GBE1: variants seen among roughly 807,000 people sequenced by gnomAD.
GBE1 encodes the protein 1,4-alpha-glucan branching enzyme 1, also known as 1,4-alpha-glucan-branching enzyme.
GBE1 carries 70 observed loss-of-function variants against 88.8 expected under a neutral mutation model. The ratio of observed to expected loss-of-function variants is 0.79; its 90% CI spans 0.65 to 0.96. GBE1 has a LOEUF of 0.96. GBE1 is among the 40% of genes least tolerant of loss of function. GBE1 has a pLI of 0.00. For missense variants in GBE1, 872 were observed against 871.0 expected, an observed-to-expected ratio of 1.00 and a Z score of -0.01; for synonymous variants, 284 against 300.1, an observed-to-expected ratio of 0.95 and a Z score of 0.56.
At chr3:81,604,789 T>C (rs1481220148) in intron 7 of GBE1, among the ~76,000 whole-genome samples, 1 of 152,118 alleles carries the variant, frequency 6.6e-6, no homozygotes, top group Non-Finnish European at 1.5e-5. Context: ...AGTAAGAAAT[T>C]ATTTAACTGA....
At chr3:81,674,685 TTAATAA>T (rs1301733585) in intron 2 of GBE1, among the ~76,000 whole-genome samples, 1 of 151,690 alleles carries the variant, frequency 6.6e-6, no homozygotes, top group Non-Finnish European at 1.5e-5. Flanking sequence ...AGTAATAATA[TTAATAA>T]TAATAAATAG....
chr3:81,666,971 T>G (rs533313904), intron 3 of GBE1, among the ~76,000 whole-genome samples: 1 of 152,336 alleles, frequency 6.6e-6, no homozygotes, highest in African/African-American at 2.4e-5. Flanking sequence ...TATTTAGATT[T>G]TGAAAAATAG....
intron 2 of GBE1, among the ~76,000 whole-genome samples, chr3:81,685,403 C>CTGTT (rs771296277): frequency 1.3e-5 from 2 of 151,780 alleles, no homozygotes; most frequent in Non-Finnish European, 2.9e-5. Context: ...TTGTTGTCTT[C>CTGTT]TGTTTGTTTG....
rs779675484 is a variant in GBE1 at position 81,761,466 on chromosome 3, G to A, written c.52C>T (p.Leu18Phe). 6.2e-7 allele frequency: 1 copy of A among 1,613,398 alleles called. No individual in the cohort carries two copies. The stretch of plus-strand genomic sequence containing the variant: ...GGCACGTCAGCCAGGGCGGCATTGA[G>A]CGCCGCCTCGTAGTCCTCGGGCCGA... ...AARPEDYEAA[L>F]NAALADVPEL... is the part of the protein sequence containing the mutation. The change falls in exon 1 of 16, where the codon CTC becomes TTC. Residue 18 changes from leucine (L) to phenylalanine (F), a missense_variant. By Grantham distance (22) the Leu-to-Phe change is conservative. Transcript: ENST00000429644.
At chr3:81,545,194 A>G (rs1703190707) in intron 12 of GBE1, among the ~76,000 whole-genome samples, 1 of 151,792 alleles carries the variant, frequency 6.6e-6, no homozygotes, top group African/African-American at 2.4e-5. Context: ...AGCACAAAGC[A>G]ATTTTTTAAA....
At chr3:81,715,862 AG>A (rs1475529984) in intron 1 of GBE1, among the ~76,000 whole-genome samples, 1 of 152,204 alleles carries the variant, frequency 6.6e-6, no homozygotes, top group Non-Finnish European at 1.5e-5. Context: ...TAAGAAATGA[AG>A]ATCTCATTTA....
rs114761999 is a variant in GBE1 at position 81,590,062 on chromosome 3, A to G, written c.1236+975T>C. On this transcript the variant is annotated intron_variant, in intron 9 of 15. Transcript: ENST00000429644. ...ACTGCTTTATTCCCAGAAAATACTT[A>G]AAAAGTAAAATGCCTGAAGGGAATA... is the stretch of plus-strand genomic sequence containing the variant. 2.1e-3 allele frequency among the ~76,000 whole-genome samples: 325 copies of G among 152,168 alleles called. 1 individual carries two copies. Among genetic ancestry groups the G allele is most frequent in the Non-Finnish European group, 2.4e-3 (163 of 67,898 alleles).
intron 3 of GBE1, among the ~76,000 whole-genome samples, chr3:81,668,505 T>TA (rs1705145138): frequency 6.6e-6 from 1 of 152,170 alleles, no homozygotes. Flanking sequence ...AAAATATATG[T>TA]AAATTAGTTA....
chr3:81,625,113 G>A (rs1313460584), intron 7 of GBE1, among the ~76,000 whole-genome samples: 3 of 145,986 alleles, frequency 2.1e-5, no homozygotes, highest in Non-Finnish European at 4.5e-5. Flanking sequence ...GGGAGGGGGA[G>A]GGAGAAGGAG....
At chr3:81,635,271 C>T (rs1704576476) in intron 7 of GBE1, among the ~76,000 whole-genome samples, 1 of 151,836 alleles carries the variant, frequency 6.6e-6, no homozygotes, top group Non-Finnish European at 1.5e-5. Flanking sequence ...GAAGGAAGAC[C>T]GAAGATCCAA....
intron 9 of GBE1, among the ~76,000 whole-genome samples, chr3:81,589,444 A>AAAAGTGAC (rs1703846471): frequency 6.6e-6 from 1 of 151,874 alleles, no homozygotes; most frequent in Admixed American, 6.6e-5. Flanking sequence ...CGCTAGACAG[A>AAAAGTGAC]AAAGTGACGT....
intron 2 of GBE1, among the ~76,000 whole-genome samples, chr3:81,699,052 A>G (rs1288251415): frequency 1.3e-5 from 2 of 152,230 alleles, no homozygotes; most frequent in Non-Finnish European, 2.9e-5. Flanking sequence ...GGTTTGGTTA[A>G]CAAACCTAAA....
intron 14 of GBE1, among the ~76,000 whole-genome samples, chr3:81,518,262 T>C (rs1033347392): frequency 4.0e-5 from 6 of 151,416 alleles, no homozygotes; most frequent in Admixed American, 1.3e-4. Context: ...GAGACCATCA[T>C]TGCACAACTG....
chr3:81,707,914 A>G (rs1318451853), intron 1 of GBE1, among the ~76,000 whole-genome samples: 4 of 137,820 alleles, frequency 2.9e-5, no homozygotes, highest in Middle Eastern at 3.7e-3. Flanking sequence ...AAAAATATCA[A>G]GAATGATATA....
intron 1 of GBE1, among the ~76,000 whole-genome samples, chr3:81,746,589 T>C (rs1467150480): frequency 6.6e-6 from 1 of 152,038 alleles, no homozygotes; most frequent in Non-Finnish European, 1.5e-5. Flanking sequence ...AAATAAAAAA[T>C]CAAATTAAAA....
intron 2 of GBE1, among the ~76,000 whole-genome samples, chr3:81,687,857 A>C (rs1705462201): frequency 6.6e-6 from 1 of 152,226 alleles, no homozygotes; most frequent in Non-Finnish European, 1.5e-5. Flanking sequence ...TCGTAGATCG[A>C]GACGCCCCAT....
intron 12 of GBE1, among the ~76,000 whole-genome samples, chr3:81,571,559 T>C (rs556607028): frequency 6.6e-6 from 1 of 152,174 alleles, no homozygotes; most frequent in South Asian, 2.1e-4. Flanking sequence ...ATAAAAAGCA[T>C]TAAATTTCAA....
chr3:81,553,225 T>C (rs1484461184), intron 12 of GBE1, among the ~76,000 whole-genome samples: 1 of 152,250 alleles, frequency 6.6e-6, no homozygotes, highest in Non-Finnish European at 1.5e-5. Flanking sequence ...CTGCTACTAT[T>C]GGTGTTATGA....
intron 7 of GBE1, among the ~76,000 whole-genome samples, chr3:81,628,718 A>C (rs1704455052): frequency 7.3e-6 from 1 of 136,624 alleles, no homozygotes; most frequent in African/African-American, 2.7e-5. Flanking sequence ...TACCCTTTAA[A>C]ATATAAAGGA....
Sources: allele counts gnomAD v4.1 joint callset (sites outside exome capture counted in the v4.1 genomes callset), GRCh38; gene constraint gnomAD v4.1.1; transcripts MANE v1.5; gene names NCBI Gene and HGNC (gene_info 2026-07-23, HGNC 2026-07-21).